Variants in SLC4A4 observed in about 807,000 individuals in gnomAD.
SLC4A4 encodes electrogenic sodium bicarbonate cotransporter 1.
A neutral mutation model predicts 111.5 loss-of-function variants in SLC4A4; 27 were observed. The observed-to-expected ratio is 0.24, with a 90% CI of 0.18 to 0.33. SLC4A4 has a LOEUF of 0.33. Among genes scored for constraint, SLC4A4 ranks in the 10% least tolerant of loss-of-function variants. SLC4A4 has a pLI of 1.00. For synonymous variants in SLC4A4, 443 were observed against 463.4 expected (o/e 0.96, Z 0.57); for missense variants, 909 against 1,315.5 (o/e 0.69, Z 4.78).
intron 20 of SLC4A4, among the ~76,000 whole-genome samples, chr4:71,549,976 G>C (rs961370578): frequency 1.1e-4 from 16 of 151,874 alleles, no homozygotes; most frequent in African/African-American, 3.6e-4. Context: ...GTGAGCATGA[G>C]CTTTCTTTCC....
At chr4:71,260,042 G>A (rs1423456616) in intron 3 of SLC4A4, among the ~76,000 whole-genome samples, 1 of 152,108 alleles carries the variant, frequency 6.6e-6, no homozygotes, top group Non-Finnish European at 1.5e-5. Flanking sequence ...TCAGTCTTGT[G>A]GTATTCTTTT....
At position 71,449,464 on chromosome 4, in the gene SLC4A4, T is replaced by A. The variant is rs545284056; in HGVS notation, c.1054-925T>A. Among the ~76,000 whole-genome samples the A allele has an allele frequency of 1.4e-3, 212 of 152,308 alleles. 2 individuals are homozygous for A. In the South Asian group the frequency reaches 0.015, roughly 11 times the overall value. ...GAAAATAAGGTTGAGGATGGCTATATCAGCCACAGATTATGTGCTGGCATT... is the reference window on the plus strand; with the variant it reads ...GAAAATAAGGTTGAGGATGGCTATAACAGCCACAGATTATGTGCTGGCATT... On this transcript the variant is annotated intron_variant, in intron 9 of 25. Transcript: ENST00000264485.
chr4:71,355,914 A>T (rs1179852083), intron 5 of SLC4A4, among the ~76,000 whole-genome samples: 2 of 152,208 alleles, frequency 1.3e-5, no homozygotes, highest in Admixed American at 1.3e-4. Context: ...CCAAGTGGAA[A>T]ATATCAGTGT....
At chr4:71,401,006 C>T (rs1720306004) in intron 7 of SLC4A4, among the ~76,000 whole-genome samples, 1 of 149,280 alleles carries the variant, frequency 6.7e-6, no homozygotes, top group Non-Finnish European at 1.5e-5. Flanking sequence ...TTCCATTTGA[C>T]CAGGACTGAA....
chr4:71,245,879 G>C lies in SLC4A4; in HGVS notation c.73+9230G>C, dbSNP rs10016259. Among the ~76,000 whole-genome samples the C allele has an allele frequency of 5.6e-3, 848 of 152,254 alleles. 16 individuals carry two copies. Among genetic ancestry groups the C allele is most frequent in the African/African-American group, 0.019 (789 of 41,554 alleles). Reference sequence around the variant, plus strand: ...AGTCATAGAAGTAGGAGGAAAACTGGGAAGAGGGTGAAGCCTCTGAGGCCG... The same window carrying C: ...AGTCATAGAAGTAGGAGGAAAACTGCGAAGAGGGTGAAGCCTCTGAGGCCG... On this transcript the variant is annotated intron_variant, in intron 2 of 25. Transcript: ENST00000264485.
chr4:71,125,143 T>C lies in SLC4A4; in HGVS notation c.-2+32351T>C, dbSNP rs568887140. Among the ~76,000 whole-genome samples the C allele has an allele frequency of 1.4e-3, 219 of 152,338 alleles. 1 individual carries two copies. Among genetic ancestry groups the C allele is most frequent in the African/African-American group, 4.8e-3 (200 of 41,582 alleles). On this transcript the variant is annotated intron_variant, in intron 2 of 26. Coordinates refer to the SLC4A4 transcript ENST00000649996. ...CTGGTTATGGACTTATTATTTGATT[T>C]ATGTATAGGCAAGTGGCTTAAAAAA...
At chr4:71,082,699 A>T (rs1158415331) in intron 1 of SLC4A4, among the ~76,000 whole-genome samples, 1 of 151,922 alleles carries the variant, frequency 6.6e-6, no homozygotes, top group Non-Finnish European at 1.5e-5. Context: ...TTTGCTTCAG[A>T]TTTTTTGAAA....
chr4:71,100,092 A>G (rs1421759636), intron 2 of SLC4A4, among the ~76,000 whole-genome samples: 1 of 152,190 alleles, frequency 6.6e-6, no homozygotes, highest in African/African-American at 2.4e-5. Context: ...ACTCCTCCCC[A>G]ACTCATTCTA....
At chr4:71,381,436 T>G (rs1434188937) in intron 6 of SLC4A4, among the ~76,000 whole-genome samples, 3 of 152,180 alleles carry the variant, frequency 2.0e-5, no homozygotes, top group Non-Finnish European at 2.9e-5. Flanking sequence ...GTTATATTTG[T>G]TATTATTATA....
chr4:71,118,734 T>C (rs897470359), intron 2 of SLC4A4, among the ~76,000 whole-genome samples: 1 of 152,218 alleles, frequency 6.6e-6, no homozygotes, highest in Non-Finnish European at 1.5e-5. Context: ...TCTGATTTCT[T>C]CTTCATTTAA....
chr4:71,482,079 A>G (rs974815624), intron 14 of SLC4A4, among the ~76,000 whole-genome samples: 4 of 151,644 alleles, frequency 2.6e-5, no homozygotes, highest in Non-Finnish European at 4.4e-5. Flanking sequence ...TTGGTTGCCA[A>G]AATATTTGCA....
chr4:71,341,179 G>A (rs1008305003), intron 4 of SLC4A4, among the ~76,000 whole-genome samples: 1 of 152,104 alleles, frequency 6.6e-6, no homozygotes, highest in African/African-American at 2.4e-5. Flanking sequence ...AATAGTTTAT[G>A]TCAGGCACTG....
At chr4:71,338,535 T>G (rs1469393674) in intron 3 of SLC4A4, among the ~76,000 whole-genome samples, 1 of 151,870 alleles carries the variant, frequency 6.6e-6, no homozygotes, top group African/African-American at 2.4e-5. Flanking sequence ...CTTCTTCTTC[T>G]TCTTTCTTCT....
intron 12 of SLC4A4, among the ~76,000 whole-genome samples, chr4:71,463,921 T>C (rs1160593696): frequency 6.6e-6 from 1 of 152,182 alleles, no homozygotes; most frequent in Non-Finnish European, 1.5e-5. Context: ...ATTGCTCTTT[T>C]CCCCTTTATA....
At chr4:71,437,572 C>T in intron 7 of SLC4A4, 1 of 519,768 alleles carries the variant, frequency 1.9e-6, no homozygotes. Flanking sequence ...TATGGAAGGG[C>T]TGCCATGTTG....
chr4:71,553,424 G>A (rs1284909801), intron 20 of SLC4A4, among the ~76,000 whole-genome samples: 2 of 151,856 alleles, frequency 1.3e-5, no homozygotes, highest in Admixed American at 1.3e-4. Flanking sequence ...GCTGAGGGAT[G>A]AGGATGAGGC....
chr4:71,297,866 G>A (rs1452369571), intron 3 of SLC4A4, among the ~76,000 whole-genome samples: 1 of 152,034 alleles, frequency 6.6e-6, no homozygotes, highest in Non-Finnish European at 1.5e-5. Flanking sequence ...GGGATTATAG[G>A]CTTGAGCCAC....
At chr4:71,126,994 C>T (rs1377464881) in intron 2 of SLC4A4, among the ~76,000 whole-genome samples, 1 of 152,220 alleles carries the variant, frequency 6.6e-6, no homozygotes, top group African/African-American at 2.4e-5. Context: ...GATAACTTAA[C>T]TACACATGGA....
rs554320887 is a variant in SLC4A4, at chr4:71,270,276, G to A, written c.253+14877G>A. ...CTAATTTTTTTGTATTTTTAGTAGG[G>A]GCGGGGTTTCACCATGTTGGCCAGG... On this transcript the variant is annotated intron_variant, in intron 3 of 25. Coordinates refer to ENST00000264485, the MANE Select transcript of SLC4A4 (RefSeq NM_001098484.3). 5.9e-5 allele frequency among the ~76,000 whole-genome samples: 9 copies of A among 152,206 alleles called. No homozygotes were observed. The South Asian group carries it at 1.7e-3, about 28-fold the overall frequency.
Sources: gnomAD v4.1 joint callset for allele counts (sites outside exome capture counted in the v4.1 genomes callset) on GRCh38, gnomAD v4.1.1 for gene constraint, MANE v1.5 for transcripts, NCBI Gene and HGNC (gene_info 2026-07-23, HGNC 2026-07-21) for gene names.